The following BCL2L13 variants were observed in gnomAD, a reference collection of about 807,000 sequenced individuals.
BCL2L13 encodes BCL2 like 13.
In BCL2L13, 13 loss-of-function variants were observed where a neutral mutation model predicts 25.8. That is an observed-to-expected ratio of 0.50 (90% CI 0.33 to 0.80). The LOEUF (loss-of-function observed/expected upper bound fraction) is 0.80. Among genes scored for constraint, BCL2L13 ranks in the 30% least tolerant of loss-of-function variants. The probability of loss-of-function intolerance (pLI) is 0.02; values close to 1 mark genes in which losing one functional copy is unlikely to be tolerated. For missense variants in BCL2L13, 504 were observed against 574.9 expected, an observed-to-expected ratio of 0.88 and a Z score of 1.26; for synonymous variants, 244 against 230.3, an observed-to-expected ratio of 1.06 and a Z score of -0.54.
At chr22:17,711,229 T>G (rs2060749229) in intron 6 of BCL2L13, among the ~76,000 whole-genome samples, 1 of 151,430 alleles carries the variant, frequency 6.6e-6, no homozygotes, top group South Asian at 2.1e-4. Flanking sequence ...CATTAAAAAA[T>G]AATCATAAGA....
intron 1 of BCL2L13, among the ~76,000 whole-genome samples, chr22:17,631,562 C>T (rs2058013497): frequency 1.3e-5 from 2 of 148,470 alleles, no homozygotes; most frequent in South Asian, 4.3e-4. Flanking sequence ...CAGAGTCCTA[C>T]AGTGTTTGTC....
intron 3 of BCL2L13, among the ~76,000 whole-genome samples, chr22:17,684,867 GGAC>G (rs1191451092): frequency 5.3e-5 from 8 of 152,004 alleles, no homozygotes; most frequent in African/African-American, 1.7e-4. Context: ...CGAGTAGCTG[GGAC>G]TACAGGCGCC....
rs1035252064 is a variant in BCL2L13 at position 17,730,820 on chromosome 22, T to C, written c.*3286T>C. 21 of 152,126 alleles carry C rather than the reference T, an allele frequency of 1.4e-4. No individual in the cohort carries two copies. Among genetic ancestry groups the C allele is most frequent in the African/African-American group, 4.8e-4 (20 of 41,424 alleles). The allele number at this position is 152,126 out of a possible 1,614,324, so 9.4% of individuals were successfully genotyped here. A position where few individuals can be genotyped will look rare whatever the true frequency, so the allele number is the denominator to read the frequency against. On this transcript the variant is annotated 3_prime_UTR_variant, in exon 7 of 7. Transcript: ENST00000317582. ...AGCGACATACTGGATACCAGAATAA[T>C]GTTTCCTCTTCTCTGGTGCACCAAA...
At chr22:17,695,381 GTGCGATCTCGGCTCAC>G (rs2060234385) in intron 4 of BCL2L13, among the ~76,000 whole-genome samples, 1 of 152,154 alleles carries the variant, frequency 6.6e-6, no homozygotes, top group East Asian at 1.9e-4. Flanking sequence ...GAGTTCAGTG[GTGCGATCTCGGCTCAC>G]TGCAATCTCC....
At chr22:17,656,098 G>GCCA (rs2058845492) in intron 2 of BCL2L13, among the ~76,000 whole-genome samples, 1 of 151,428 alleles carries the variant, frequency 6.6e-6, no homozygotes, top group Non-Finnish European at 1.5e-5. Context: ...AAAATTATTT[G>GCCA]GGCATGGTGG....
chr22:17,715,143 TATATATATATA>T, intron 6 of BCL2L13, among the ~76,000 whole-genome samples: 1 of 10,358 alleles, frequency 9.7e-5, no homozygotes, highest in Non-Finnish European at 2.1e-4. Flanking sequence ...TATATATATA[TATATATATATA>T]TATATATATA....
chr22:17,695,514 G>A (rs2060238643), intron 4 of BCL2L13, among the ~76,000 whole-genome samples: 2 of 152,158 alleles, frequency 1.3e-5, no homozygotes, highest in Admixed American at 1.3e-4. Context: ...TAGAGACGGG[G>A]TTTCACCATG....
intron 6 of BCL2L13, among the ~76,000 whole-genome samples, chr22:17,722,737 G>C (rs2061181351): frequency 6.6e-6 from 1 of 152,050 alleles, no homozygotes; most frequent in East Asian, 1.9e-4. Context: ...GAAAAAACCT[G>C]GTAGGATTTT....
At chr22:17,690,569 G>A (rs1392443657) in intron 4 of BCL2L13, among the ~76,000 whole-genome samples, 1 of 152,034 alleles carries the variant, frequency 6.6e-6, no homozygotes, top group Non-Finnish European at 1.5e-5. Flanking sequence ...GACCAGCCTG[G>A]GCAATATAGC....
chr22:17,674,866 A>G (rs2146652402), intron 2 of BCL2L13, among the ~76,000 whole-genome samples: 1 of 109,850 alleles, frequency 9.1e-6, no homozygotes, highest in Middle Eastern at 4.3e-3. Flanking sequence ...ATTCCTTACC[A>G]CATATAATTT....
intron 1 of BCL2L13, among the ~76,000 whole-genome samples, chr22:17,629,353 T>C (rs936892688): frequency 1.3e-5 from 2 of 152,142 alleles, no homozygotes; most frequent in Non-Finnish European, 2.9e-5. Context: ...GAAGCCACTA[T>C]ACAAAGCCCA....
chr22:17,634,160 G>T (rs2058070181), upstream of BCL2L13, among the ~76,000 whole-genome samples: 1 of 151,932 alleles, frequency 6.6e-6, no homozygotes, highest in Admixed American at 6.6e-5. Context: ...TCTGTTTCAG[G>T]ACATGCCACC....
intron 1 of BCL2L13, among the ~76,000 whole-genome samples, chr22:17,639,726 AAC>A (rs2058201019): frequency 1.3e-5 from 2 of 152,190 alleles, no homozygotes; most frequent in South Asian, 4.1e-4. Flanking sequence ...TGTTGCGTAA[AAC>A]AAAACAAAAA....
intron 2 of BCL2L13, among the ~76,000 whole-genome samples, chr22:17,670,142 C>T (rs983398718): frequency 1.3e-5 from 2 of 151,974 alleles, no homozygotes; most frequent in African/African-American, 4.8e-5. Flanking sequence ...GTTGTTATAC[C>T]ATACTATTTT....
At chr22:17,635,804 G>A (rs2058094025), upstream of BCL2L13, among the ~76,000 whole-genome samples, 1 of 151,886 alleles carries the variant, frequency 6.6e-6, no homozygotes, top group Non-Finnish European at 1.5e-5. Context: ...CCGCCTCCCG[G>A]GTTCAAGTGA....
Position 17,655,822 on chromosome 22 carries a change from C to G in BCL2L13, c.111C>G (p.Ser37=), listed in dbSNP as rs140254427. 1.5e-5 allele frequency: 25 copies of G among 1,613,046 alleles called. No homozygotes were observed. Among genetic ancestry groups the G allele is most frequent in the Non-Finnish European group, 2.1e-5 (25 of 1,179,578 alleles). ...SQEKLQEQHL[S]SPQGVQLDIA... ...AGAAGCTGCAAGAGCAACATCTTTC[C>G]TCACCCCAAGGTATTATCTTTGGCT... The change falls in exon 2 of 7, where the codon TCC becomes TCG. Residue 37 remains serine (S), a synonymous_variant. Transcript: ENST00000317582.
chr22:17,701,014 A>G (rs1414335604), intron 5 of BCL2L13, among the ~76,000 whole-genome samples: 1 of 152,162 alleles, frequency 6.6e-6, no homozygotes. Context: ...TTCCTTTTGC[A>G]GGCATATGGA....
At chr22:17,722,791 C>T (rs738133) in intron 6 of BCL2L13, among the ~76,000 whole-genome samples, 52,043 of 151,938 alleles carry the variant, frequency 0.34, 9,767 homozygotes, top group African/African-American at 0.45. Context: ...CTGGGAATAG[C>T]TGACATCTTT....
Position 17,730,686 on chromosome 22 carries a change from TG to T in BCL2L13, c.*3154del, listed in dbSNP as rs1362756317. The T allele has an allele frequency of 6.6e-6, 1 of 152,168 alleles. No homozygotes were observed. The highest frequency in any genetic ancestry group is 1.5e-5 in the Non-Finnish European group (1 of 68,032). The allele number at this position is 152,168 out of a possible 1,614,324, so 9.4% of individuals were successfully genotyped here. ...AACTTATCTTTCCAAGAATTTGAGG[TG>T]GTGATCATACCCATCAAGACGGCCT... On this transcript the variant is annotated 3_prime_UTR_variant, in exon 7 of 7. Coordinates refer to ENST00000317582, the MANE Select transcript of BCL2L13 (RefSeq NM_015367.4).
Sources: allele counts gnomAD v4.1 joint callset (sites outside exome capture counted in the v4.1 genomes callset), GRCh38; gene constraint gnomAD v4.1.1; transcripts MANE v1.5; gene names NCBI Gene and HGNC (gene_info 2026-07-23, HGNC 2026-07-21).